The following NDST1 variants were observed in gnomAD, a reference collection of about 807,000 sequenced individuals.
The protein encoded by NDST1 is N-deacetylase and N-sulfotransferase 1, also known as bifunctional heparan sulfate N-deacetylase/N-sulfotransferase 1.
A neutral mutation model predicts 92.8 loss-of-function variants in NDST1; 35 were observed. The ratio of observed to expected loss-of-function variants is 0.38; its 90% confidence interval spans 0.29 to 0.50. NDST1 has a LOEUF of 0.50. NDST1 is among the 20% of genes least tolerant of loss of function. The pLI is 0.94. For synonymous variants in NDST1, 493 were observed against 500.3 expected (o/e 0.99, Z 0.19); for missense variants, 822 against 1,182.7 (o/e 0.69, Z 4.47).
chr5:150,550,837 G>A (rs1755689743), intron 13 of NDST1: 1 of 152,246 alleles, frequency 6.6e-6, no homozygotes, highest in South Asian at 2.1e-4. Context: ...TTCCTCATCT[G>A]TAAGTTGGGG....
rs1005236961 is a variant in NDST1 at position 150,535,801 on chromosome 5, G to T, written c.1353G>T (p.Trp451Cys). ...TGTACGAGGCTTGGAAGCAGGTGTG[G>T]AGCATCCGCGTGACCAGCACGGAGG... ...VQLYEAWKQV[W>C]SIRVTSTEEY... The change falls in exon 6 of 15, where the codon TGG becomes TGT. Residue 451 changes from tryptophan to cysteine, a missense_variant. By Grantham distance (215) the Trp-to-Cys change is radical (BLOSUM62 -2). Coordinates refer to ENST00000261797, the MANE Select transcript of NDST1 (RefSeq NM_001543.5). 2.5e-6 allele frequency: 4 copies of T among 1,614,176 alleles called. No individual in the cohort carries two copies. Among genetic ancestry groups the T allele is most frequent in the Non-Finnish European group, 3.4e-6 (4 of 1,180,048 alleles).
chr5:150,521,080 G>C lies in NDST1; in HGVS notation c.-175G>C. The C allele has an allele frequency of 1.6e-6, 1 of 626,034 alleles. No homozygotes were observed. Among genetic ancestry groups the C allele is most frequent in the Non-Finnish European group, 2.8e-6 (1 of 359,130 alleles). The allele number at this position is 626,034 out of a possible 1,614,324, so 38.8% of individuals were successfully genotyped here. Reference sequence around the variant, plus strand: ...CAGCCTGTGGACTGCGCCCCTGGCTGGGAGGAAGGACTGGGGGCCCAGATC... The same window carrying C: ...CAGCCTGTGGACTGCGCCCCTGGCTCGGAGGAAGGACTGGGGGCCCAGATC... On this transcript the variant is annotated 5_prime_UTR_variant, in exon 2 of 15. Transcript: ENST00000261797. This position sits in a 1 kb window ranked among gnomAD's most constrained non-coding sequence, Gnocchi z 5.9.
At chr5:150,533,283 G>A (rs1307313392) in intron 4 of NDST1, among the ~76,000 whole-genome samples, 1 of 152,232 alleles carries the variant, frequency 6.6e-6, no homozygotes. Flanking sequence ...GGCTGAGCTG[G>A]CCTGGGTGGG....
At chr5:150,504,518 C>T (rs1248209511), upstream of NDST1, among the ~76,000 whole-genome samples, 1 of 152,130 alleles carries the variant, frequency 6.6e-6, no homozygotes, top group Non-Finnish European at 1.5e-5. Flanking sequence ...CCATAATCTG[C>T]CAGATGCACA....
At position 150,528,182 on chromosome 5, in the gene NDST1, G is replaced by T. The variant is rs781107915; in HGVS notation, c.892G>T (p.Val298Leu). The change falls in exon 3 of 15, where the codon GTG becomes TTG. Residue 298 changes from valine to leucine, a missense_variant. By Grantham distance (32) the Val-to-Leu change is conservative. Coordinates refer to ENST00000261797, the MANE Select transcript of NDST1 (RefSeq NM_001543.5). Reference sequence around the variant, plus strand: ...GCACAAGCTTGTCTTCGTGGATGCCGTGGCCTTCCTCACGGGGAAGCGCCT... The same window carrying T: ...GCACAAGCTTGTCTTCGTGGATGCCTTGGCCTTCCTCACGGGGAAGCGCCT... ...WLHKLVFVDAVAFLTGKRLSL... is the reference protein window; with the variant it reads ...WLHKLVFVDALAFLTGKRLSL... 1 of 1,614,106 alleles carries T rather than the reference G, an allele frequency of 6.2e-7. No homozygotes were observed. Among genetic ancestry groups the T allele is most frequent in the Non-Finnish European group, 8.5e-7 (1 of 1,180,040 alleles).
intron 2 of NDST1, among the ~76,000 whole-genome samples, chr5:150,524,439 T>G (rs1754378584): frequency 1.3e-5 from 2 of 152,254 alleles, no homozygotes; most frequent in African/African-American, 4.8e-5. Flanking sequence ...TTCCTGGCAC[T>G]GTCGTGCCTC....
chr5:150,536,904 A>G (rs1015120778), intron 6 of NDST1, among the ~76,000 whole-genome samples: 28 of 152,238 alleles, frequency 1.8e-4, no homozygotes, highest in African/African-American at 6.3e-4. Flanking sequence ...GGACACAGAA[A>G]TGCACAGAAC....
intron 3 of NDST1, among the ~76,000 whole-genome samples, chr5:150,530,496 G>A (rs1296542763): frequency 6.6e-6 from 1 of 151,694 alleles, no homozygotes; most frequent in African/African-American, 2.4e-5. Flanking sequence ...TCAGGTTCCT[G>A]GGCTCACTGT....
chr5:150,501,155 C>T (rs1345352120), intron 1 of NDST1, among the ~76,000 whole-genome samples: 2 of 152,228 alleles, frequency 1.3e-5, no homozygotes, highest in South Asian at 2.1e-4. Flanking sequence ...CCGCTTCCGC[C>T]TGACACTGGG....
At chr5:150,505,217 C>T (rs1753397575), upstream of NDST1, among the ~76,000 whole-genome samples, 1 of 152,176 alleles carries the variant, frequency 6.6e-6, no homozygotes. Flanking sequence ...CTGTGGAATG[C>T]TTAGTGCCCA....
intron 2 of NDST1, among the ~76,000 whole-genome samples, chr5:150,525,064 C>T (rs1435105274): frequency 1.3e-5 from 2 of 152,218 alleles, no homozygotes; most frequent in African/African-American, 2.4e-5. Context: ...TCCACCTCTG[C>T]GTTCCCGAAT....
intron 1 of NDST1, among the ~76,000 whole-genome samples, chr5:150,515,174 A>G (rs1325385832): frequency 6.6e-6 from 1 of 152,200 alleles, no homozygotes; most frequent in Non-Finnish European, 1.5e-5. Flanking sequence ...GACTGTACAT[A>G]GAGATGCTGA....
chr5:150,500,083 T>A (rs1434855767), intron 1 of NDST1, among the ~76,000 whole-genome samples: 1 of 152,222 alleles, frequency 6.6e-6, no homozygotes, highest in Non-Finnish European at 1.5e-5. Context: ...TTTAACTCAT[T>A]CAATTGAAAT....
At chr5:150,545,672 A>G (rs1303645322) in intron 11 of NDST1, among the ~76,000 whole-genome samples, 186 bp downstream of exon 11, 4 of 152,362 alleles carry the variant, frequency 2.6e-5, no homozygotes, top group Non-Finnish European at 5.9e-5. Context: ...GGAAATGGAA[A>G]GCCAGCCACC....
chr5:150,499,100 T>C (rs1363038139), intron 1 of NDST1, among the ~76,000 whole-genome samples: 1 of 152,242 alleles, frequency 6.6e-6, no homozygotes, highest in African/African-American at 2.4e-5. Context: ...AGTTGGCCTC[T>C]ACTGAGCTCC....
chr5:150,541,060 A>G (rs367970203), intron 8 of NDST1, among the ~76,000 whole-genome samples: 71 of 152,350 alleles, frequency 4.7e-4, no homozygotes, highest in African/African-American at 1.7e-3. Context: ...CCAGGAGTCC[A>G]CAAACCGTGA....
Position 150,500,925 on chromosome 5 carries a change from C to T in NDST1, c.-388+2686C>T, listed in dbSNP as rs187227486. On this transcript the variant is annotated intron_variant, in intron 1 of 1. Coordinates refer to the NDST1 transcript ENST00000518299. ...GGCCACACTCTTCCATCTCCACCTC[C>T]CTCTGCAGGGGCAGTGGCAGATCAT... Among the ~76,000 whole-genome samples the T allele has an allele frequency of 2.6e-5, 4 of 152,334 alleles. No homozygotes were observed. The East Asian group carries it at 7.7e-4, about 29-fold the overall frequency.
chr5:150,519,376 C>A (rs996865412), intron 1 of NDST1, among the ~76,000 whole-genome samples: 4 of 151,282 alleles, frequency 2.6e-5, no homozygotes, highest in African/African-American at 7.2e-5. Flanking sequence ...TAGACCTGGG[C>A]AACTCTCCTT....
chr5:150,548,002 G>A (rs1479808052), intron 11 of NDST1, among the ~76,000 whole-genome samples: 7 of 152,112 alleles, frequency 4.6e-5, no homozygotes, highest in Non-Finnish European at 7.3e-5. Context: ...CCCTGATTTC[G>A]TCCAGTTCCC....
Sources: allele counts gnomAD v4.1 joint callset (sites outside exome capture counted in the v4.1 genomes callset), GRCh38; gene constraint gnomAD v4.1.1; non-coding constraint Gnocchi (gnomAD v3.1); transcripts MANE v1.5; gene names NCBI Gene and HGNC (gene_info 2026-07-23, HGNC 2026-07-21).